Variants in TMEM183A observed in about 807,000 individuals in gnomAD.
TMEM183A encodes the protein chromosome 1 open reading frame 37.
A neutral mutation model predicts 46.7 loss-of-function variants in TMEM183A; 21 were observed. The observed-to-expected ratio is 0.45, with a 90% CI of 0.32 to 0.65. The LOEUF is 0.65. Ranked by LOEUF, TMEM183A falls within the 30% of genes least tolerant of loss-of-function variation. The pLI, the probability that TMEM183A is intolerant of heterozygous loss-of-function variation, is 0.04. For synonymous variants in TMEM183A, 165 were observed against 180.2 expected, an observed-to-expected ratio of 0.92 and a Z score of 0.68; for missense variants, 331 against 481.9, an observed-to-expected ratio of 0.69 and a Z score of 2.93.
At position 203,013,110 on chromosome 1, in the gene TMEM183A, T is replaced by TC. The variant is rs1381443545; in HGVS notation, c.368-1779_368-1778insC. Among the ~76,000 whole-genome samples the TC allele has an allele frequency of 6.6e-6, 1 of 152,224 alleles. No homozygotes were observed. Among genetic ancestry groups the TC allele is most frequent in the African/African-American group, 2.4e-5 (1 of 41,450 alleles). On this transcript the variant is annotated intron_variant, in intron 3 of 7. Coordinates refer to ENST00000367242, the MANE Select transcript of TMEM183A (RefSeq NM_138391.6). This position sits in a 1 kb window ranked among gnomAD's most constrained non-coding sequence, Gnocchi z 4.0. ...AAAGTGGGGCCTAGACATGGTAGACTGTGTCTTGCATGATTACTGGAGATT... is the reference window on the plus strand; with the variant it reads ...AAAGTGGGGCCTAGACATGGTAGACTCGTGTCTTGCATGATTACTGGAGATT...
chr1:203,023,749 A>G lies in TMEM183A; in HGVS notation c.*709A>G, dbSNP rs554523798. 5 of 152,488 alleles carry G rather than the reference A, an allele frequency of 3.3e-5. No homozygotes were observed. Among genetic ancestry groups the G allele is most frequent in the South Asian group, 2.1e-4 (1 of 4,820 alleles). 9.4% of individuals were successfully genotyped at this position (152,488 alleles called of 1,614,324 possible). The stretch of plus-strand genomic sequence containing the variant: ...AAGTAGGTGATATTATTCCCATTTT[A>G]TAGTTGAGAAAACGGAATTAGTGAC... On this transcript the variant is annotated 3_prime_UTR_variant, in exon 8 of 8. Transcript: ENST00000367242.
rs1656889610 is a variant in TMEM183A, at chr1:203,013,677, A to G, written c.368-1212A>G. Among the ~76,000 whole-genome samples, 1 of 151,520 alleles carries G rather than the reference A, an allele frequency of 6.6e-6. No homozygotes were observed. The highest frequency in any genetic ancestry group is 2.4e-5 in the African/African-American group (1 of 41,190). ...CAGGCAGCTGCCACCACGCCCGGCT[A>G]ATTTTTTTGTATTTTTTAGTAGAGA... is the stretch of plus-strand genomic sequence containing the variant. On this transcript the variant is annotated intron_variant, in intron 3 of 7. Coordinates refer to ENST00000367242, the MANE Select transcript of TMEM183A (RefSeq NM_138391.6). The surrounding 1 kb of genome is among the most constrained non-coding windows in gnomAD (Gnocchi z 4.0).
chr1:203,017,844 C>T (rs1657313573), intron 5 of TMEM183A: 2 of 985,988 alleles, frequency 2.0e-6, no homozygotes, highest in Non-Finnish European at 2.4e-6. Flanking sequence ...TTTGATGGAA[C>T]AGCAGGACGT....
chr1:203,018,654 T>A, intron 6 of TMEM183A, 93 bp downstream of exon 6: 1 of 1,364,206 alleles, frequency 7.3e-7, no homozygotes, highest in Non-Finnish European at 1.0e-6. Context: ...GCTATAACAG[T>A]ACCACAGATT....
At chr1:203,008,379 T>C (rs1656194724) in intron 2 of TMEM183A, among the ~76,000 whole-genome samples, 1 of 151,966 alleles carries the variant, frequency 6.6e-6, no homozygotes, top group Non-Finnish European at 1.5e-5. Flanking sequence ...GTGGAAAAAT[T>C]GTACACACCT....
chr1:203,015,678 T>C (rs749807661), intron 4 of TMEM183A: 20 of 372,574 alleles, frequency 5.4e-5, no homozygotes, highest in Non-Finnish European at 9.7e-5. Context: ...GACAGGTTCT[T>C]TTTGAGCAGC....
intron 4 of TMEM183A, 88 bp downstream of exon 4, chr1:203,015,136 CTT>C: frequency 6.4e-7 from 1 of 1,551,290 alleles, no homozygotes; most frequent in Non-Finnish European, 8.7e-7. Flanking sequence ...ATGGTGACCT[CTT>C]TTCACTTTCT....
At chr1:203,014,788 C>T in intron 3 of TMEM183A, 101 bp from the exon 4 acceptor site, 3 of 1,485,886 alleles carry the variant, frequency 2.0e-6, no homozygotes, top group East Asian at 2.4e-5. Context: ...TATTTAAAAC[C>T]ATTTTCTTAA....
Position 203,013,723 on chromosome 1 carries a change from C to T in TMEM183A, c.368-1166C>T, listed in dbSNP as rs1162724259. 6.6e-6 allele frequency among the ~76,000 whole-genome samples: 1 copy of T among 151,606 alleles called. No homozygotes were observed. The highest frequency in any genetic ancestry group is 1.9e-4 in the East Asian group (1 of 5,160). On this transcript the variant is annotated intron_variant, in intron 3 of 7. Transcript: ENST00000367242. The surrounding 1 kb of genome is among the most constrained non-coding windows in gnomAD (Gnocchi z 4.0). ...AGAGAAGGGGTTTCAGTGTGTTAGC[C>T]AGGTTGCTCTCGATCTCCTGACCTC...
At chr1:203,012,049 TAAA>T (rs1162584078) in intron 3 of TMEM183A, among the ~76,000 whole-genome samples, 4 of 151,974 alleles carry the variant, frequency 2.6e-5, no homozygotes, top group Non-Finnish European at 4.4e-5. Flanking sequence ...TCATGGCTAT[TAAA>T]AAGTTTTTTT....
At chr1:203,016,949 C>T (rs1407152665) in intron 5 of TMEM183A, among the ~76,000 whole-genome samples, 1 of 152,126 alleles carries the variant, frequency 6.6e-6, no homozygotes, top group Non-Finnish European at 1.5e-5. Flanking sequence ...TTCCCATTCT[C>T]TTGTAGTTTG....
rs1658055806 is a variant in TMEM183A, at chr1:203,024,815, AAG to A, written c.*1776_*1777del. 1 of 152,234 alleles carries A rather than the reference AAG, an allele frequency of 6.6e-6. No homozygotes were observed. 9.4% of individuals were successfully genotyped at this position (152,234 alleles called of 1,614,324 possible). A position where few individuals can be genotyped will look rare whatever the true frequency, so the allele number is the denominator to read the frequency against. On this transcript the variant is annotated 3_prime_UTR_variant, in exon 8 of 8. Transcript: ENST00000367242. ...TTCCCCGCTTAGGAGTACCTTTAAA[AAG>A]GGGGTGAAATAAATTTGGCTTAATA...
rs1657918476 is a variant in TMEM183A, at chr1:203,023,553, G to T, written c.*513G>T. On this transcript the variant is annotated 3_prime_UTR_variant, in exon 8 of 8. Transcript: ENST00000367242. ...TTTCAGAATCTTACCATATTGACTTGTGTATCTTTTTTAAAAAATAATTTG... is the reference window on the plus strand; with the variant it reads ...TTTCAGAATCTTACCATATTGACTTTTGTATCTTTTTTAAAAAATAATTTG... The T allele has an allele frequency of 6.5e-6, 1 of 153,038 alleles. No homozygotes were observed. Among genetic ancestry groups the T allele is most frequent in the Non-Finnish European group, 1.5e-5 (1 of 68,274 alleles). 9.5% of individuals were successfully genotyped at this position (153,038 alleles called of 1,614,324 possible). A position where few individuals can be genotyped will look rare whatever the true frequency, so the allele number is the denominator to read the frequency against.
At chr1:203,017,497 A>C (rs1313847428) in intron 5 of TMEM183A, among the ~76,000 whole-genome samples, 1 of 152,158 alleles carries the variant, frequency 6.6e-6, no homozygotes, top group East Asian at 1.9e-4. Flanking sequence ...TGGACTGTAA[A>C]AAGCCAAAGT....
At position 203,020,903 on chromosome 1, in the gene TMEM183A, C is replaced by T. The variant is rs1434011359; in HGVS notation, c.900C>T (p.Leu300=). The T allele has an allele frequency of 6.2e-7, 1 of 1,611,938 alleles. No individual in the cohort carries two copies. Among genetic ancestry groups the T allele is most frequent in the South Asian group, 1.1e-5 (1 of 90,972 alleles). ...QDCCLLQVTT[L]NFIFIPIVMG... ...GCTGCCTACTGCAGGTCACCACCCT[C>T]AATTTCATCTTTATTCCGATTGTCA... Residue 300 remains leucine (L), a synonymous_variant, in exon 7 of 8, where the codon CTC becomes CTT. Transcript: ENST00000367242.
chr1:203,014,807 T>C (rs534800230), intron 3 of TMEM183A, 82 bp from the exon 4 acceptor site: 3 of 1,548,404 alleles, frequency 1.9e-6, no homozygotes, highest in East Asian at 4.5e-5. Context: ...AACTGTGCAA[T>C]CAATCCTTGG....
intron 3 of TMEM183A, among the ~76,000 whole-genome samples, chr1:203,014,154 G>A (rs1254498616): frequency 6.6e-6 from 1 of 152,220 alleles, no homozygotes; most frequent in Non-Finnish European, 1.5e-5. Flanking sequence ...CATAAAGCTG[G>A]AATTCGGAGT....
At chr1:203,008,976 A>C (rs975769424) in intron 3 of TMEM183A, among the ~76,000 whole-genome samples, 166 bp downstream of exon 3, 5 of 152,136 alleles carry the variant, frequency 3.3e-5, no homozygotes, top group African/African-American at 9.7e-5. Flanking sequence ...GATTTAATAC[A>C]CCTGGGCTTT....
intron 5 of TMEM183A, among the ~76,000 whole-genome samples, 159 bp from the exon 6 acceptor site, chr1:203,018,322 G>A (rs146206453): frequency 2.0e-5 from 3 of 152,326 alleles, no homozygotes; most frequent in African/African-American, 4.8e-5. Context: ...GTGTCAACTT[G>A]GGGGTCTATC....
Sources: allele counts gnomAD v4.1 joint callset (sites outside exome capture counted in the v4.1 genomes callset), GRCh38; gene constraint gnomAD v4.1.1; non-coding constraint Gnocchi (gnomAD v3.1); transcripts MANE v1.5; gene names NCBI Gene and HGNC (gene_info 2026-07-23, HGNC 2026-07-21).